The following RPP40 variants were observed in gnomAD, a reference collection of about 807,000 sequenced individuals.
The protein encoded by RPP40 is ribonuclease P/MRP subunit p40.
Under a neutral mutation model 42.5 loss-of-function variants are expected in RPP40, and 30 were observed. That is an observed-to-expected ratio of 0.71 (90% CI 0.53 to 0.96). RPP40 has a LOEUF of 0.96. Among genes scored for constraint, RPP40 ranks in the 40% least tolerant of loss-of-function variants. The pLI is 0.00. For missense variants in RPP40, 426 were observed against 433.5 expected, an observed-to-expected ratio of 0.98 and a Z score of 0.15; for synonymous variants, 173 against 164.0, an observed-to-expected ratio of 1.05 and a Z score of -0.42.
At chr6:4,999,205 TAGTAATCATAA>T (rs1039956448) in intron 4 of RPP40, among the ~76,000 whole-genome samples, 1 of 151,958 alleles carries the variant, frequency 6.6e-6, no homozygotes, top group African/African-American at 2.4e-5. Context: ...GAATTTCTAC[TAGTAATCATAA>T]AGACTTGGGG....
downstream of RPP40, among the ~76,000 whole-genome samples, chr6:4,994,302 T>C (rs899635878): frequency 1.3e-5 from 2 of 150,852 alleles, no homozygotes; most frequent in African/African-American, 2.4e-5. Flanking sequence ...TGTTAAATGA[T>C]GAGTTAATGG....
Position 5,000,019 on chromosome 6 carries a change from AG to A in RPP40, c.338-116del, listed in dbSNP as rs542047244. 1,183 of 625,670 alleles carry A rather than the reference AG, an allele frequency of 1.9e-3. 23 individuals carry two copies. In the South Asian group the frequency reaches 0.022, roughly 12 times the overall value. The allele number at this position is 625,670 out of a possible 1,614,324, so 38.8% of individuals were successfully genotyped here. ...ATATCAATGTAACAAACTGCATACA[AG>A]GATCTTATTTATATCACAAGAATAT... On this transcript the variant is annotated intron_variant, in intron 3 of 7. Transcript: ENST00000380051.
intron 1 of RPP40, 123 bp from the exon 2 acceptor site, chr6:5,002,368 C>G: frequency 1.4e-6 from 1 of 702,240 alleles, no homozygotes; most frequent in Non-Finnish European, 2.1e-6. Flanking sequence ...AACATAAAAA[C>G]ACGGGCAACA....
downstream of RPP40, among the ~76,000 whole-genome samples, chr6:4,993,410 C>T (rs756112901): frequency 6.6e-6 from 1 of 152,130 alleles, no homozygotes; most frequent in African/African-American, 2.4e-5. Context: ...TGCCATTTAA[C>T]CCTCCTTATT....
In RPP40 at chr6:4,995,142, AT is replaced by A; in HGVS notation, c.1027del (p.Ile343PhefsTer24). The A allele has an allele frequency of 6.2e-7, 1 of 1,614,184 alleles. No homozygotes were observed. The highest frequency in any genetic ancestry group is 8.5e-7 in the Non-Finnish European group (1 of 1,179,976). ...KGGEHLYNFV[I>X]FNNQDYWLQM... ...AAGCCAATAGTCCTGATTATTAAAA[AT>A]CACAAAGTTATATAAATGTTCTCCT... On this transcript the variant is annotated frameshift_variant, in exon 8 of 8. Transcript: ENST00000380051. LOFTEE classifies it high-confidence loss of function.
rs1561749294 is a variant in RPP40 at position 5,003,989 on chromosome 6, C to CG, written c.13dup (p.Arg5ProfsTer35). The CG allele has an allele frequency of 6.2e-7, 1 of 1,609,916 alleles. No individual in the cohort carries two copies. Among genetic ancestry groups the CG allele is most frequent in the Non-Finnish European group, 8.5e-7 (1 of 1,178,518 alleles). ...GTGCCGCGGCGCCTCCCGAAGCCGG[C>CG]GCAGCGTGGCCATGCTCTCCTGGGT... On this transcript the variant is annotated frameshift_variant, in exon 1 of 8. Transcript: ENST00000380051. LOFTEE classifies it high-confidence loss of function.
At chr6:4,991,208 A>G (rs1322114135), downstream of RPP40, among the ~76,000 whole-genome samples, 1 of 151,458 alleles carries the variant, frequency 6.6e-6, no homozygotes, top group Non-Finnish European at 1.5e-5. Flanking sequence ...TCTCTTTTCT[A>G]GTTTCTGCTA....
chr6:5,000,528 AAC>A (rs1216568309), intron 3 of RPP40, 33 bp downstream of exon 3: 1 of 1,097,328 alleles, frequency 9.1e-7, no homozygotes. Context: ...ATTTTTTTTT[AAC>A]AATTAAAGAA....
At chr6:4,998,440 T>A (rs906636129) in intron 5 of RPP40, among the ~76,000 whole-genome samples, 2 of 152,204 alleles carry the variant, frequency 1.3e-5, no homozygotes, top group African/African-American at 4.8e-5. Context: ...AGGGGAGAAA[T>A]AGATAAAATT....
Position 4,996,422 on chromosome 6 carries a change from T to A in RPP40, c.560-2A>T. ...ACATCATTGTCGATTCTTCTGAACC[T>A]TAAAAACACACCACACAAGGCCATT... is the stretch of plus-strand genomic sequence containing the variant. On this transcript the variant is annotated splice_acceptor_variant, in intron 5 of 7. Transcript: ENST00000380051. LOFTEE classifies it high-confidence loss of function. The A allele has an allele frequency of 1.2e-6, 2 of 1,612,344 alleles. No individual in the cohort carries two copies. The highest frequency in any genetic ancestry group is 1.7e-6 in the Non-Finnish European group (2 of 1,180,000).
the RPP40 span, among the ~76,000 whole-genome samples, chr6:4,989,526 G>T: frequency 1.3e-5 from 2 of 151,980 alleles, no homozygotes; most frequent in Middle Eastern, 3.4e-3. Flanking sequence ...CTATATTTTG[G>T]GAATATGACA....
downstream of RPP40, among the ~76,000 whole-genome samples, chr6:4,993,467 C>A (rs1759289128): frequency 6.6e-6 from 1 of 152,222 alleles, no homozygotes. Context: ...CTAACTTTAA[C>A]ATCTTAAGTC....
At chr6:4,990,846 GAT>G (rs764709595), downstream of RPP40, among the ~76,000 whole-genome samples, 33 of 152,054 alleles carry the variant, frequency 2.2e-4, no homozygotes, top group Non-Finnish European at 4.1e-4. Context: ...GGGCTATTCA[GAT>G]CATCTACTTC....
chr6:5,003,804 C>A, intron 1 of RPP40, 76 bp downstream of exon 1: 2 of 1,520,650 alleles, frequency 1.3e-6, no homozygotes, highest in South Asian at 1.2e-5. Flanking sequence ...CCCCGCGAAG[C>A]CTAGCACTCT....
Position 4,996,429 on chromosome 6 carries a change from C to T in RPP40, c.560-9G>A, listed in dbSNP as rs375049009. On this transcript the variant is annotated splice_polypyrimidine_tract_variant and intron_variant, in intron 5 of 7. Transcript: ENST00000380051. ...TGTCGATTCTTCTGAACCTTAAAAACACACCACACAAGGCCATTTGAATCC... is the reference window on the plus strand; with the variant it reads ...TGTCGATTCTTCTGAACCTTAAAAATACACCACACAAGGCCATTTGAATCC... 6.2e-7 allele frequency: 1 copy of T among 1,611,774 alleles called. No homozygotes were observed. The highest frequency in any genetic ancestry group is 2.2e-5 in the East Asian group (1 of 44,886).
chr6:4,995,831 G>A, intron 7 of RPP40, 120 bp downstream of exon 7: 3 of 897,388 alleles, frequency 3.3e-6, no homozygotes, highest in Non-Finnish European at 5.1e-6. Context: ...TAGGCGATTT[G>A]AGTTCCTTTC....
intron 5 of RPP40, among the ~76,000 whole-genome samples, chr6:4,997,295 C>G (rs1366390485): frequency 6.6e-6 from 1 of 152,212 alleles, no homozygotes; most frequent in African/African-American, 2.4e-5. Context: ...TCTGCCCTCA[C>G]TGTGGGTGGC....
chr6:4,995,198 C>T lies in RPP40; in HGVS notation c.972G>A (p.Trp324Ter). 6.2e-7 allele frequency: 1 copy of T among 1,613,798 alleles called. No homozygotes were observed. Among genetic ancestry groups the T allele is most frequent in the Non-Finnish European group, 8.5e-7 (1 of 1,179,944 alleles). ...TTCGAAAACCATGTTCATTTTTTTC[C>T]CAAGAAACAGGGCTGTCTGCAAAGC... ...VQGFADSPVSWEKNEHGFRKG... is the reference protein window; with the variant it reads ...VQGFADSPVS The change falls in exon 8 of 8, where the codon TGG becomes TGA. Residue 324 changes from tryptophan (W) to a stop codon, truncating the protein, a stop_gained. Coordinates refer to ENST00000380051, the MANE Select transcript of RPP40 (RefSeq NM_006638.4). LOFTEE classifies it high-confidence loss of function.
intron 5 of RPP40, among the ~76,000 whole-genome samples, chr6:4,997,880 G>T (rs1339161990): frequency 6.6e-6 from 1 of 152,186 alleles, no homozygotes; most frequent in Non-Finnish European, 1.5e-5. Context: ...AAATAGTTAG[G>T]AGCTTTAGGA....
Sources: gnomAD v4.1 joint callset for allele counts (sites outside exome capture counted in the v4.1 genomes callset) on GRCh38, gnomAD v4.1.1 for gene constraint, MANE v1.5 for transcripts, NCBI Gene and HGNC (gene_info 2026-07-23, HGNC 2026-07-21) for gene names.